MAP3K4: variants seen among roughly 807,000 people sequenced by gnomAD.
MAP3K4 encodes the protein mitogen-activated protein kinase kinase kinase 4.
A neutral mutation model predicts 185.6 loss-of-function variants in MAP3K4; 67 were observed. The ratio of observed to expected loss-of-function variants is 0.36; its 90% confidence interval spans 0.30 to 0.44. The LOEUF (loss-of-function observed/expected upper bound fraction) is 0.44. MAP3K4 is among the 20% of genes least tolerant of loss of function. MAP3K4 has a pLI of 1.00. For synonymous variants in MAP3K4, 702 were observed against 710.4 expected (o/e 0.99, Z 0.19); for missense variants, 1,551 against 1,995.1 (o/e 0.78, Z 4.24).
At position 160,991,874 on chromosome 6, in the gene MAP3K4, G is replaced by T; in HGVS notation, c.-58G>T. 2 of 1,439,704 alleles carry T rather than the reference G, an allele frequency of 1.4e-6. No homozygotes were observed. The highest frequency in any genetic ancestry group is 1.4e-5 in the South Asian group (1 of 69,368). 89.2% of individuals were successfully genotyped at this position (1,439,704 alleles called of 1,614,324 possible). On this transcript the variant is annotated 5_prime_UTR_variant, in exon 1 of 27. Transcript: ENST00000392142. This position sits in a 1 kb window ranked among gnomAD's most constrained non-coding sequence, Gnocchi z 5.7. ...CACTCCCGCACTTCGGGGCTCCGGT[G>T]CCCCGCGCCAGGCTGCAGCTTACTG...
chr6:161,073,535 C>A lies in MAP3K4; in HGVS notation c.2020C>A (p.Gln674Lys). 6.2e-7 allele frequency: 1 copy of A among 1,613,982 alleles called. No homozygotes were observed. The highest frequency in any genetic ancestry group is 8.5e-7 in the Non-Finnish European group (1 of 1,179,948). Residue 674 changes from glutamine (Q) to lysine (K), a missense_variant, in exon 5 of 27, where the codon CAG becomes AAG. Gln to Lys is a moderately conservative substitution (Grantham distance 53, BLOSUM62 1). Transcript: ENST00000392142. The surrounding 1 kb of genome is among the most constrained non-coding windows in gnomAD (Gnocchi z 4.2). ...LMKQYYQFMLQEVLEDLEKPD... is the reference protein window; with the variant it reads ...LMKQYYQFMLKEVLEDLEKPD... ...GAAGCAGTACTACCAGTTCATGCTG[C>A]AGGAGGTTCTGGAGGACTTGGAGAA...
Position 161,063,859 on chromosome 6 carries a change from C to G in MAP3K4, c.1708-6749C>G, listed in dbSNP as rs79330473. 6.6e-6 allele frequency among the ~76,000 whole-genome samples: 1 copy of G among 152,288 alleles called. No individual in the cohort carries two copies. Among genetic ancestry groups the G allele is most frequent in the African/African-American group, 2.4e-5 (1 of 41,562 alleles). ...GACTTGGGAATTGCCTCTTTACGCC[C>G]TTCAGACACCCTGTTAATTTCCTCT... On this transcript the variant is annotated intron_variant, in intron 3 of 26. Coordinates refer to ENST00000392142, the MANE Select transcript of MAP3K4 (RefSeq NM_005922.4). This position sits in a 1 kb window ranked among gnomAD's most constrained non-coding sequence, Gnocchi z 5.4.
rs746391923 is a variant in MAP3K4, at chr6:161,100,274, G to C, written c.3675-1618G>C. Among the ~76,000 whole-genome samples the C allele has an allele frequency of 5.9e-5, 9 of 152,230 alleles. No homozygotes were observed. The highest frequency in any genetic ancestry group is 1.3e-4 in the Non-Finnish European group (9 of 68,046). On this transcript the variant is annotated intron_variant, in intron 17 of 26. Transcript: ENST00000392142. The surrounding 1 kb of genome is among the most constrained non-coding windows in gnomAD (Gnocchi z 5.8). ...TGTGTCTCAACACAGCTGTGGGTTT[G>C]TGAATGTGCCACGGGGAGGCAGAAT...
chr6:161,002,050 GTTTTTTTTTT>G (rs77347524), intron 1 of MAP3K4, among the ~76,000 whole-genome samples: 2 of 112,464 alleles, frequency 1.8e-5, no homozygotes, highest in South Asian at 3.0e-4. Flanking sequence ...TAAGAAAAAG[GTTTTTTTTTT>G]TTTTTTTTTT....
Position 161,034,533 on chromosome 6 carries a change from T to G in MAP3K4, c.343+84T>G. Reference sequence around the variant, plus strand: ...TTCAACAATAAAGTTAGCAATTTCTTTTATTTTTAATTTGATTTTAATGCT... The same window carrying G: ...TTCAACAATAAAGTTAGCAATTTCTGTTATTTTTAATTTGATTTTAATGCT... On this transcript the variant is annotated intron_variant, in intron 2 of 26. Coordinates refer to ENST00000392142, the MANE Select transcript of MAP3K4 (RefSeq NM_005922.4). The surrounding 1 kb of genome is among the most constrained non-coding windows in gnomAD (Gnocchi z 4.4). 1 of 1,173,604 alleles carries G rather than the reference T, an allele frequency of 8.5e-7. No individual in the cohort carries two copies. The highest frequency in any genetic ancestry group is 1.7e-5 in the South Asian group (1 of 57,370). 72.7% of individuals were successfully genotyped at this position (1,173,604 alleles called of 1,614,324 possible). A position where few individuals can be genotyped will look rare whatever the true frequency, so the allele number is the denominator to read the frequency against.
chr6:161,048,575 TTA>T lies in MAP3K4; in HGVS notation c.344-40_344-39del, dbSNP rs776334789. 2.3e-6 allele frequency: 3 copies of T among 1,309,124 alleles called. No homozygotes were observed. In the South Asian group the frequency reaches 4.5e-5, roughly 20 times the overall value. 81.1% of individuals were successfully genotyped at this position (1,309,124 alleles called of 1,614,324 possible). On this transcript the variant is annotated intron_variant, in intron 2 of 26. Coordinates refer to ENST00000392142, the MANE Select transcript of MAP3K4 (RefSeq NM_005922.4). The surrounding 1 kb of genome is among the most constrained non-coding windows in gnomAD (Gnocchi z 4.7). ...AAAATATTGAGAGTAGCTTCATATTTTAGAGTTATATAATGTTCTGTTTATTT... is the reference window on the plus strand; with the variant it reads ...AAAATATTGAGAGTAGCTTCATATTTGAGTTATATAATGTTCTGTTTATTT...
In MAP3K4 at chr6:161,100,750, A is replaced by G. The variant is rs1777806627; in HGVS notation, c.3675-1142A>G. On this transcript the variant is annotated intron_variant, in intron 17 of 26. Transcript: ENST00000392142. The surrounding 1 kb of genome is among the most constrained non-coding windows in gnomAD (Gnocchi z 5.8). ...TCACTTGTGGGAAATCGGAAAAATT[A>G]GAGGTGTTTAGTGACTTCTTGGTCT... is the stretch of plus-strand genomic sequence containing the variant. 6.6e-6 allele frequency among the ~76,000 whole-genome samples: 1 copy of G among 152,114 alleles called. No homozygotes were observed. The highest frequency in any genetic ancestry group is 1.5e-5 in the Non-Finnish European group (1 of 68,028).
At chr6:161,015,421 A>G (rs539456095) in intron 1 of MAP3K4, among the ~76,000 whole-genome samples, 1 of 152,302 alleles carries the variant, frequency 6.6e-6, no homozygotes, top group South Asian at 2.1e-4. Context: ...TACCTATGTA[A>G]TAAACCTGCA....
Position 161,107,061 on chromosome 6 carries a change from C to CACACACAA in MAP3K4, c.4048+363_4048+364insAACACACA, listed in dbSNP as rs1443377507. 1.3e-5 allele frequency among the ~76,000 whole-genome samples: 2 copies of CACACACAA among 151,838 alleles called. No homozygotes were observed. The highest frequency in any genetic ancestry group is 4.8e-5 in the African/African-American group (2 of 41,264). ...CTACACACGCGCGCGCACACACACA[C>CACACACAA]ACACACACACACACACACGCAGAAC... On this transcript the variant is annotated intron_variant, in intron 20 of 26. Transcript: ENST00000392142. This position sits in a 1 kb window ranked among gnomAD's most constrained non-coding sequence, Gnocchi z 6.2.
At chr6:161,081,213 A>AT (rs1319190774) in intron 6 of MAP3K4, among the ~76,000 whole-genome samples, 175 bp downstream of exon 6, 4 of 137,216 alleles carry the variant, frequency 2.9e-5, no homozygotes, top group East Asian at 2.3e-4. Flanking sequence ...GTCAGGGGTG[A>AT]TTTTTTCCCC....
At chr6:160,997,957 T>C (rs1392121575) in intron 1 of MAP3K4, among the ~76,000 whole-genome samples, 1 of 152,160 alleles carries the variant, frequency 6.6e-6, no homozygotes, top group Non-Finnish European at 1.5e-5. Context: ...GGACCTGGTC[T>C]CAGAGAGTGA....
Position 161,074,261 on chromosome 6 carries a change from G to A in MAP3K4, c.2097+649G>A, listed in dbSNP as rs903836865. On this transcript the variant is annotated intron_variant, in intron 5 of 26. Transcript: ENST00000392142. The surrounding 1 kb of genome is among the most constrained non-coding windows in gnomAD (Gnocchi z 5.0). ...ACATTTGAGGACTTGTAAATAGTTT[G>A]ATTGGGCAGGAGTAGACCTATTTTT... 9.8e-5 allele frequency among the ~76,000 whole-genome samples: 15 copies of A among 152,312 alleles called. No individual in the cohort carries two copies. The highest frequency in any genetic ancestry group is 3.6e-4 in the African/African-American group (15 of 41,558).
At chr6:161,006,430 A>G in intron 1 of MAP3K4, among the ~76,000 whole-genome samples, 1 of 152,242 alleles carries the variant, frequency 6.6e-6, no homozygotes, top group Admixed American at 6.5e-5. Flanking sequence ...CAGTGTAACA[A>G]TCATATACAT....
chr6:161,026,676 G>T (rs2115135945), intron 1 of MAP3K4, among the ~76,000 whole-genome samples: 1 of 142,606 alleles, frequency 7.0e-6, no homozygotes, highest in Non-Finnish European at 1.5e-5. Flanking sequence ...AATTATGTTT[G>T]TCTTTTTATG....
chr6:161,060,815 TACAC>T (rs1226864307), intron 3 of MAP3K4, among the ~76,000 whole-genome samples: 1 of 152,066 alleles, frequency 6.6e-6, no homozygotes, highest in Non-Finnish European at 1.5e-5. Flanking sequence ...GAGACGGGTT[TACAC>T]CATGTTGGCC....
chr6:161,097,250 T>A lies in MAP3K4; in HGVS notation c.3524+74T>A. 1 of 1,243,692 alleles carries A rather than the reference T, an allele frequency of 8.0e-7. No homozygotes were observed. The highest frequency in any genetic ancestry group is 1.2e-6 in the Non-Finnish European group (1 of 849,844). The allele number at this position is 1,243,692 out of a possible 1,614,324, so 77.0% of individuals were successfully genotyped here. The stretch of plus-strand genomic sequence containing the variant: ...TGCATGCTCATACTTTTGAAACTAC[T>A]AGATGCTTGCTCTGAGAGCTAAATA... On this transcript the variant is annotated intron_variant, in intron 16 of 26. Transcript: ENST00000392142. This position sits in a 1 kb window ranked among gnomAD's most constrained non-coding sequence, Gnocchi z 4.9.
chr6:161,087,774 T>C lies in MAP3K4; in HGVS notation c.2643T>C (p.Asn881=), dbSNP rs748647967. 2 of 1,613,722 alleles carry C rather than the reference T, an allele frequency of 1.2e-6. No individual in the cohort carries two copies. Among genetic ancestry groups the C allele is most frequent in the African/African-American group, 1.3e-5 (1 of 75,056 alleles). The change falls in exon 10 of 27, where the codon AAT becomes AAC. Residue 881 remains asparagine (N), a synonymous_variant. Coordinates refer to ENST00000392142, the MANE Select transcript of MAP3K4 (RefSeq NM_005922.4). The surrounding 1 kb of genome is among the most constrained non-coding windows in gnomAD (Gnocchi z 4.9). ...EEKSIILQLL[N]AAAGKDCSKD... ...AGAGTATTATTTTGCAGTTACTCAATGCAGCTGCAGGAAAGGACTGTTCAA... is the reference window on the plus strand; with the variant it reads ...AGAGTATTATTTTGCAGTTACTCAACGCAGCTGCAGGAAAGGACTGTTCAA...
In MAP3K4 at chr6:161,110,008, T is replaced by C. The variant is rs372057073; in HGVS notation, c.4396+94T>C. ...AAGACGCTCATCCCATTCCCACATA[T>C]GATTTCTCTAGATGGAAATACCTTT... is the stretch of plus-strand genomic sequence containing the variant. On this transcript the variant is annotated intron_variant, in intron 23 of 26. Transcript: ENST00000392142. The surrounding 1 kb of genome is among the most constrained non-coding windows in gnomAD (Gnocchi z 4.8). 19 of 1,324,206 alleles carry C rather than the reference T, an allele frequency of 1.4e-5. 1 individual carries two copies. Among genetic ancestry groups the C allele is most frequent in the East Asian group, 4.6e-5 (2 of 43,206 alleles). The allele number at this position is 1,324,206 out of a possible 1,614,324, so 82.0% of individuals were successfully genotyped here.
At chr6:161,012,119 A>G (rs569559344) in intron 1 of MAP3K4, among the ~76,000 whole-genome samples, 1 of 152,316 alleles carries the variant, frequency 6.6e-6, no homozygotes, top group South Asian at 2.1e-4. Context: ...CCAATTTGCC[A>G]CTCAGCAATA....
Sources: allele counts gnomAD v4.1 joint callset (sites outside exome capture counted in the v4.1 genomes callset), GRCh38; gene constraint gnomAD v4.1.1; non-coding constraint Gnocchi (gnomAD v3.1); transcripts MANE v1.5; gene names NCBI Gene and HGNC (gene_info 2026-07-23, HGNC 2026-07-21).